NAPEPLD: variants seen among roughly 807,000 people sequenced by gnomAD.
NAPEPLD encodes N-acyl phosphatidylethanolamine phospholipase D.
In NAPEPLD, 23 loss-of-function variants were observed where a neutral mutation model predicts 38.1. The observed-to-expected ratio is 0.60, with a 90% CI of 0.43 to 0.86. The LOEUF (loss-of-function observed/expected upper bound fraction) is 0.86, where lower values mean the gene tolerates loss of function less well. Among genes scored for constraint, NAPEPLD ranks in the 40% least tolerant of loss-of-function variants. The pLI, the probability that NAPEPLD is intolerant of heterozygous loss-of-function variation, is 0.00. For synonymous variants in NAPEPLD, 147 were observed against 162.0 expected, an observed-to-expected ratio of 0.91 and a Z score of 0.71; for missense variants, 411 against 476.8, an observed-to-expected ratio of 0.86 and a Z score of 1.28.
chr7:103,106,728 T>TAAA (rs35671646), intron 4 of NAPEPLD, among the ~76,000 whole-genome samples: 138 of 147,808 alleles, frequency 9.3e-4, no homozygotes, highest in Middle Eastern at 3.4e-3. Context: ...AGGGCATCTC[T>TAAA]AAAAAAAAAA....
chr7:103,114,968 A>C, intron 4 of NAPEPLD, 92 bp downstream of exon 4: 1 of 880,060 alleles, frequency 1.1e-6, no homozygotes, highest in Non-Finnish European at 1.8e-6. Context: ...ATCTGATTCC[A>C]GAGTCTTGGG....
intron 1 of NAPEPLD, among the ~76,000 whole-genome samples, chr7:103,129,798 G>C (rs1295994577): frequency 6.6e-6 from 1 of 152,096 alleles, no homozygotes; most frequent in Non-Finnish European, 1.5e-5. Context: ...TGGAGAGAAC[G>C]TTACTTCCCT....
At chr7:103,129,184 G>A (rs976615817) in intron 1 of NAPEPLD, 1 of 403,426 alleles carries the variant, frequency 2.5e-6, no homozygotes, top group East Asian at 1.6e-4. Flanking sequence ...AGAATCGCTT[G>A]AACCCTGGAG....
At chr7:103,141,805 G>T in intron 1 of NAPEPLD, 1 of 899,110 alleles carries the variant, frequency 1.1e-6, no homozygotes, top group Non-Finnish European at 1.9e-6. Context: ...GCCCATCTTT[G>T]ATCAGCTTCC....
At chr7:103,131,898 G>A (rs983819292) in intron 1 of NAPEPLD, among the ~76,000 whole-genome samples, 4 of 152,096 alleles carry the variant, frequency 2.6e-5, no homozygotes, top group African/African-American at 7.2e-5. Flanking sequence ...AGTGGATCAC[G>A]AGGTCAGGAG....
In NAPEPLD at chr7:103,115,136, GCTT is replaced by G. The variant is rs1178172299; in HGVS notation, c.977_979del (p.Glu326del). 2 of 1,613,858 alleles carry G rather than the reference GCTT, an allele frequency of 1.2e-6. No individual in the cohort carries two copies. The highest frequency in any genetic ancestry group is 2.7e-5 in the African/African-American group (2 of 74,926). On this transcript the variant is annotated inframe_deletion, in exon 4 of 5. Coordinates refer to ENST00000465647, the MANE Select transcript of NAPEPLD (RefSeq NM_001122838.3). The stretch of plus-strand genomic sequence containing the variant: ...TTGGACATCAGTGTGAATCCTTACA[GCTT>G]CTTCTGGGTCTACATGCTGGTATTT...
chr7:103,128,088 A>G (rs1262366925), intron 2 of NAPEPLD: 1 of 185,682 alleles, frequency 5.4e-6, no homozygotes, highest in African/African-American at 2.4e-5. Flanking sequence ...CCAGGCTACT[A>G]CCTTCCAGAG....
intron 4 of NAPEPLD, among the ~76,000 whole-genome samples, chr7:103,111,210 A>AC (rs745746403): frequency 6.6e-6 from 1 of 152,184 alleles, no homozygotes; most frequent in Non-Finnish European, 1.5e-5. Flanking sequence ...AGTCAATGCT[A>AC]CCCCCATCAA....
chr7:103,112,873 C>T (rs1351734066), intron 4 of NAPEPLD, among the ~76,000 whole-genome samples: 1 of 152,092 alleles, frequency 6.6e-6, no homozygotes, highest in Non-Finnish European at 1.5e-5. Flanking sequence ...TTCCAAAATG[C>T]TGAAAGTCAA....
At chr7:103,137,728 A>G (rs1810351405) in intron 1 of NAPEPLD, among the ~76,000 whole-genome samples, 1 of 151,448 alleles carries the variant, frequency 6.6e-6, no homozygotes, top group Admixed American at 6.6e-5. Flanking sequence ...AGGTGGGAGG[A>G]CTGCTTGAAC....
At chr7:103,116,972 C>T (rs780846093) in intron 3 of NAPEPLD, among the ~76,000 whole-genome samples, 2 of 152,228 alleles carry the variant, frequency 1.3e-5, no homozygotes, top group Non-Finnish European at 2.9e-5. Flanking sequence ...AAAACCAACA[C>T]TTTCAGAAGA....
Position 103,120,158 on chromosome 7 carries a change from C to T in NAPEPLD, c.360G>A (p.Val120=), listed in dbSNP as rs189941071. The T allele has an allele frequency of 1.9e-6, 3 of 1,614,204 alleles. No individual in the cohort carries two copies. In the Admixed American group the frequency reaches 5.0e-5, roughly 27 times the overall value. Residue 120 remains valine (V), a synonymous_variant, in exon 3 of 5, where the codon GTG becomes GTA. Coordinates refer to ENST00000465647, the MANE Select transcript of NAPEPLD (RefSeq NM_001122838.3). ...YFITNPEEAG[V]REAGLRVTWL... Reference sequence around the variant, plus strand: ...ATGTGACTCTTAAGCCAGCTTCCCTCACTCCAGCTTCTTCAGGGTTAGTGA... The same window carrying T: ...ATGTGACTCTTAAGCCAGCTTCCCTTACTCCAGCTTCTTCAGGGTTAGTGA...
At chr7:103,149,374 G>T, upstream of NAPEPLD, 1 of 1,169,204 alleles carries the variant, frequency 8.6e-7, no homozygotes, top group South Asian at 1.5e-5. Context: ...AGCGGGAGGG[G>T]CGACCGCGGC....
chr7:103,137,973 T>C (rs1307970378), intron 1 of NAPEPLD, among the ~76,000 whole-genome samples: 1 of 118,756 alleles, frequency 8.4e-6, no homozygotes, highest in Non-Finnish European at 1.7e-5. Flanking sequence ...TCTTTCTTTT[T>C]TGCTTTTTTT....
At chr7:103,147,965 A>T in intron 1 of NAPEPLD, 1 of 979,656 alleles carries the variant, frequency 1.0e-6, no homozygotes, top group Non-Finnish European at 1.2e-6. Flanking sequence ...TTTTACCCTA[A>T]ATTTCTTCTT....
intron 2 of NAPEPLD, among the ~76,000 whole-genome samples, chr7:103,125,833 G>A (rs1807644522): frequency 1.3e-5 from 2 of 151,804 alleles, no homozygotes; most frequent in African/African-American, 4.8e-5. Context: ...GTTGCAGTGA[G>A]CCAAGATGGC....
upstream of NAPEPLD, chr7:103,149,228 G>C: frequency 1.0e-6 from 1 of 996,664 alleles, no homozygotes; most frequent in Non-Finnish European, 1.2e-6. Context: ...ATCCCGGGCC[G>C]CGGGCGCGCG....
chr7:103,110,812 T>C (rs960780591), intron 4 of NAPEPLD, among the ~76,000 whole-genome samples: 7 of 152,328 alleles, frequency 4.6e-5, no homozygotes, highest in Middle Eastern at 3.4e-3. Context: ...GATGACATGA[T>C]TGTATATTTA....
At position 103,119,597 on chromosome 7, in the gene NAPEPLD, G is replaced by A; in HGVS notation, c.921C>T (p.Pro307=). ...CATACCTCGGTTCATAAGCTCCGAT[G>A]GGAATAGCTGCAAGGTCAAAAGGTC... ...RFGPFDLAAI[P]IGAYEPRWFM... is the part of the protein sequence containing the mutation. The change falls in exon 3 of 5, where the codon CCC becomes CCT. Residue 307 remains proline (P), a synonymous_variant. Transcript: ENST00000465647. 2 of 1,613,856 alleles carry A rather than the reference G, an allele frequency of 1.2e-6. No homozygotes were observed. The highest frequency in any genetic ancestry group is 1.7e-6 in the Non-Finnish European group (2 of 1,179,896).
Sources: gnomAD v4.1 joint callset for allele counts (sites outside exome capture counted in the v4.1 genomes callset) on GRCh38, gnomAD v4.1.1 for gene constraint, MANE v1.5 for transcripts, NCBI Gene and HGNC (gene_info 2026-07-23, HGNC 2026-07-21) for gene names.